Variants in PLCB1 observed in about 807,000 individuals in gnomAD.
PLCB1 encodes phospholipase C beta 1, also known as 1-phosphatidylinositol 4,5-bisphosphate phosphodiesterase beta-1.
PLCB1 carries 46 observed loss-of-function variants against 161.8 expected under a neutral mutation model. The observed-to-expected ratio is 0.28, with a 90% CI of 0.22 to 0.36. PLCB1 has a LOEUF of 0.36. PLCB1 is among the 10% of genes least tolerant of loss of function. The probability of loss-of-function intolerance (pLI) is 1.00; values close to 1 mark genes in which losing one functional copy is unlikely to be tolerated. For synonymous variants in PLCB1, 517 were observed against 503.7 expected (o/e 1.03, Z -0.35); for missense variants, 1,016 against 1,472.5 (o/e 0.69, Z 5.07).
At chr20:8,556,983 AAAATAAATAAATAAAT>A (rs60833598) in intron 3 of PLCB1, among the ~76,000 whole-genome samples, 1 of 143,302 alleles carries the variant, frequency 7.0e-6, no homozygotes, top group African/African-American at 2.6e-5. Flanking sequence ...ATAAATAAAT[AAAATAAATAAATAAAT>A]AAATAAATAA....
At chr20:8,789,315 G>T (rs908052281) in intron 29 of PLCB1, among the ~76,000 whole-genome samples, 3 of 152,302 alleles carry the variant, frequency 2.0e-5, no homozygotes, top group African/African-American at 4.8e-5. Flanking sequence ...GGAGGTCAAG[G>T]CTTCAGTGAG....
At chr20:8,809,542 C>A (rs1254239045) in intron 31 of PLCB1, among the ~76,000 whole-genome samples, 1 of 151,994 alleles carries the variant, frequency 6.6e-6, no homozygotes, top group Non-Finnish European at 1.5e-5. Flanking sequence ...TAAAACTGGG[C>A]CCTTTCATTT....
intron 1 of PLCB1, among the ~76,000 whole-genome samples, chr20:8,143,884 T>A (rs2051428110): frequency 6.6e-6 from 1 of 152,182 alleles, no homozygotes; most frequent in Non-Finnish European, 1.5e-5. Flanking sequence ...CCATTGACAT[T>A]TGGTCCCAGT....
intron 2 of PLCB1, among the ~76,000 whole-genome samples, chr20:8,209,268 A>G (rs1215870676): frequency 6.6e-6 from 1 of 152,066 alleles, no homozygotes; most frequent in Non-Finnish European, 1.5e-5. Context: ...TTTGTCAACA[A>G]TTGTAGAAAA....
chr20:8,635,814 A>G (rs1988746179), intron 4 of PLCB1, among the ~76,000 whole-genome samples: 2 of 152,054 alleles, frequency 1.3e-5, no homozygotes, highest in Admixed American at 6.5e-5. Flanking sequence ...TGCTAAGGCC[A>G]CCTCCGGGCC....
intron 3 of PLCB1, among the ~76,000 whole-genome samples, chr20:8,493,060 G>T (rs1983016020): frequency 6.6e-6 from 1 of 151,958 alleles, no homozygotes; most frequent in Non-Finnish European, 1.5e-5. Context: ...AATGAGCTTG[G>T]TGTGGGCACC....
In PLCB1 at chr20:8,883,166, T is replaced by A. The variant is rs1414479732; in HGVS notation, c.*1317T>A. 1.3e-5 allele frequency: 2 copies of A among 152,202 alleles called. No individual in the cohort carries two copies. The highest frequency in any genetic ancestry group is 2.9e-5 in the Non-Finnish European group (2 of 68,024). 9.4% of individuals were successfully genotyped at this position (152,202 alleles called of 1,614,324 possible). On this transcript the variant is annotated 3_prime_UTR_variant, in exon 32 of 32. Coordinates refer to ENST00000338037, the MANE Select transcript of PLCB1 (RefSeq NM_015192.4). ...TAAGTATCAGATTTTAAGCTTGTTTTAATGGTCAAAAAATTAGGACAGAAA... is the reference window on the plus strand; with the variant it reads ...TAAGTATCAGATTTTAAGCTTGTTTAAATGGTCAAAAAATTAGGACAGAAA...
chr20:8,267,487 G>A (rs970072216), intron 2 of PLCB1, among the ~76,000 whole-genome samples: 1 of 152,108 alleles, frequency 6.6e-6, no homozygotes. Flanking sequence ...GCCTTACTCA[G>A]CTCTGCCTCA....
At chr20:8,821,526 TA>T in intron 31 of PLCB1, among the ~76,000 whole-genome samples, 1 of 90,074 alleles carries the variant, frequency 1.1e-5, no homozygotes, top group South Asian at 4.1e-4. Context: ...TATATATATA[TA>T]TATATATATA....
At chr20:8,159,228 G>A (rs2051595345) in intron 2 of PLCB1, among the ~76,000 whole-genome samples, 1 of 152,166 alleles carries the variant, frequency 6.6e-6, no homozygotes, top group African/African-American at 2.4e-5. Context: ...TGACTTCTGT[G>A]CACCCACAGA....
intron 7 of PLCB1, among the ~76,000 whole-genome samples, chr20:8,655,421 C>A (rs1295100564): frequency 6.6e-6 from 1 of 152,008 alleles, no homozygotes; most frequent in African/African-American, 2.4e-5. Context: ...TGCAGATTAG[C>A]AAAGACTAGA....
intron 11 of PLCB1, among the ~76,000 whole-genome samples, chr20:8,703,455 G>A (rs914122249): frequency 1.3e-5 from 2 of 152,120 alleles, no homozygotes; most frequent in African/African-American, 4.8e-5. Context: ...CATGGTAGAA[G>A]GTGTGGGCAT....
intron 2 of PLCB1, among the ~76,000 whole-genome samples, chr20:8,363,867 A>C (rs1986621774): frequency 6.6e-6 from 1 of 152,208 alleles, no homozygotes; most frequent in Non-Finnish European, 1.5e-5. Flanking sequence ...AAAACAGAGA[A>C]ATATGATAAT....
intron 3 of PLCB1, among the ~76,000 whole-genome samples, chr20:8,475,638 C>G (rs932865245): frequency 5.9e-5 from 9 of 152,116 alleles, no homozygotes; most frequent in Non-Finnish European, 5.9e-5. Flanking sequence ...CACTTGCACA[C>G]TTTTTTTCAG....
chr20:8,462,072 G>GTA (rs1318097879), intron 3 of PLCB1, among the ~76,000 whole-genome samples: 1 of 151,546 alleles, frequency 6.6e-6, no homozygotes, highest in South Asian at 2.1e-4. Flanking sequence ...AAATATATGT[G>GTA]TATATATATA....
Position 8,181,440 on chromosome 20 carries a change from T to A in PLCB1, c.177+31069T>A, listed in dbSNP as rs567597295. Among the ~76,000 whole-genome samples, 414 of 152,094 alleles carry A rather than the reference T, an allele frequency of 2.7e-3. 1 individual carries two copies. The highest frequency in any genetic ancestry group is 4.8e-3 in the Non-Finnish European group (328 of 67,986). On this transcript the variant is annotated intron_variant, in intron 2 of 31. Coordinates refer to ENST00000338037, the MANE Select transcript of PLCB1 (RefSeq NM_015192.4). ...GTTGAAATAAAAAAAGCAATAACAATACACAATTATTTTTTAAAAGGAAGA... is the reference window on the plus strand; with the variant it reads ...GTTGAAATAAAAAAAGCAATAACAAAACACAATTATTTTTTAAAAGGAAGA...
chr20:8,756,837 A>G (rs1981761296), intron 23 of PLCB1, among the ~76,000 whole-genome samples: 1 of 152,214 alleles, frequency 6.6e-6, no homozygotes, highest in South Asian at 2.1e-4. Flanking sequence ...AGGTTGGTGT[A>G]AAAATTGGAG....
chr20:8,490,110 A>T (rs963058352), intron 3 of PLCB1, among the ~76,000 whole-genome samples: 1 of 152,192 alleles, frequency 6.6e-6, no homozygotes, highest in African/African-American at 2.4e-5. Flanking sequence ...CTACCCTCTT[A>T]GCTGTTCATC....
At chr20:8,442,327 C>G (rs1359014791) in intron 3 of PLCB1, among the ~76,000 whole-genome samples, 1 of 152,142 alleles carries the variant, frequency 6.6e-6, no homozygotes, top group Non-Finnish European at 1.5e-5. Context: ...GAGGGTGGCT[C>G]TCTGCTTCCA....
Sources: allele counts gnomAD v4.1 joint callset (sites outside exome capture counted in the v4.1 genomes callset), GRCh38; gene constraint gnomAD v4.1.1; transcripts MANE v1.5; gene names NCBI Gene and HGNC (gene_info 2026-07-23, HGNC 2026-07-21).